The following ST6GALNAC5 variants were observed in gnomAD, a reference collection of about 807,000 sequenced individuals.
ST6GALNAC5 encodes the protein alpha-N-acetylgalactosaminide alpha-2,6-sialyltransferase 5.
Under a neutral mutation model 33.6 loss-of-function variants are expected in ST6GALNAC5, and 27 were observed. The observed-to-expected ratio is 0.80, with a 90% CI of 0.59 to 1.11. The LOEUF is 1.11. Ranked by LOEUF, ST6GALNAC5 falls within the 50% of genes least tolerant of loss-of-function variation. The probability of loss-of-function intolerance (pLI) is 0.00; values close to 1 mark genes in which losing one functional copy is unlikely to be tolerated. For missense variants in ST6GALNAC5, 428 were observed against 454.0 expected (o/e 0.94, Z 0.52); for synonymous variants, 194 against 171.2 (o/e 1.13, Z -1.04).
At chr1:76,975,992 G>A (rs1648994562) in intron 2 of ST6GALNAC5, among the ~76,000 whole-genome samples, 1 of 152,164 alleles carries the variant, frequency 6.6e-6, no homozygotes, top group South Asian at 2.1e-4. Flanking sequence ...CTACTTGGGA[G>A]GCTGAGGCAC....
At chr1:77,005,306 C>T (rs1300390618) in intron 2 of ST6GALNAC5, among the ~76,000 whole-genome samples, 1 of 152,244 alleles carries the variant, frequency 6.6e-6, no homozygotes, top group East Asian at 1.9e-4. Flanking sequence ...CTCCCTGACC[C>T]TTGCGCTTCC....
chr1:76,983,913 T>C (rs1649367910), intron 2 of ST6GALNAC5, among the ~76,000 whole-genome samples: 1 of 152,206 alleles, frequency 6.6e-6, no homozygotes, highest in Non-Finnish European at 1.5e-5. Flanking sequence ...GAATGACTAC[T>C]GGGTAAATAA....
At chr1:76,947,905 T>A (rs1442642748) in intron 2 of ST6GALNAC5, among the ~76,000 whole-genome samples, 3 of 152,204 alleles carry the variant, frequency 2.0e-5, no homozygotes, top group Middle Eastern at 3.4e-3. Context: ...AATGCAAACT[T>A]TTTTTATCCT....
rs1210328325 is a variant in ST6GALNAC5, at chr1:77,063,480, A to G, written c.*274A>G. On this transcript the variant is annotated 3_prime_UTR_variant, in exon 5 of 5. Transcript: ENST00000477717. ...TTCAGTTACACCACTATGACTAAAA[A>G]CAGTTTGGATCTCTTAGTATTGCCT... The G allele has an allele frequency of 6.9e-6, 3 of 433,840 alleles. No homozygotes were observed. The highest frequency in any genetic ancestry group is 1.3e-5 in the Non-Finnish European group (3 of 237,676). 26.9% of individuals were successfully genotyped at this position (433,840 alleles called of 1,614,324 possible). A position where few individuals can be genotyped will look rare whatever the true frequency, so the allele number is the denominator to read the frequency against.
At chr1:76,871,784 A>G (rs573962954) in intron 2 of ST6GALNAC5, among the ~76,000 whole-genome samples, 85 of 152,274 alleles carry the variant, frequency 5.6e-4, no homozygotes, top group Non-Finnish European at 9.4e-4. Flanking sequence ...TGAAGGCTAC[A>G]TGGAGTTTCT....
At chr1:76,890,147 C>T (rs1653982786) in intron 2 of ST6GALNAC5, among the ~76,000 whole-genome samples, 1 of 152,140 alleles carries the variant, frequency 6.6e-6, no homozygotes, top group African/African-American at 2.4e-5. Context: ...CCCCTAGAAG[C>T]CCTACAAACT....
intron 2 of ST6GALNAC5, among the ~76,000 whole-genome samples, chr1:76,890,819 A>T (rs190177225): frequency 2.8e-4 from 43 of 152,268 alleles, no homozygotes; most frequent in Non-Finnish European, 5.0e-4. Context: ...TTAGAATTTA[A>T]GATTTTTTTC....
intron 2 of ST6GALNAC5, among the ~76,000 whole-genome samples, chr1:76,877,035 C>T (rs1447482123): frequency 6.6e-6 from 1 of 152,196 alleles, no homozygotes; most frequent in Admixed American, 6.5e-5. Flanking sequence ...TGTTGCTGTG[C>T]AAAACCCGCT....
At chr1:76,912,230 T>C (rs1363827365) in intron 2 of ST6GALNAC5, among the ~76,000 whole-genome samples, 1 of 152,040 alleles carries the variant, frequency 6.6e-6, no homozygotes. Context: ...TGTACTTGAG[T>C]GGTTTTGAGT....
chr1:76,970,434 T>C (rs551728495), intron 2 of ST6GALNAC5, among the ~76,000 whole-genome samples: 1 of 151,578 alleles, frequency 6.6e-6, no homozygotes, highest in Admixed American at 6.6e-5. Flanking sequence ...GCCGATCCAA[T>C]CAAGCAGAAG....
At chr1:76,903,953 G>T (rs1646841145) in intron 2 of ST6GALNAC5, among the ~76,000 whole-genome samples, 1 of 152,250 alleles carries the variant, frequency 6.6e-6, no homozygotes, top group African/African-American at 2.4e-5. Context: ...GGGCAGAAAT[G>T]TTCTGAAATT....
At chr1:76,966,281 G>A (rs930739988) in intron 2 of ST6GALNAC5, among the ~76,000 whole-genome samples, 6 of 152,134 alleles carry the variant, frequency 3.9e-5, no homozygotes, top group African/African-American at 7.2e-5. Context: ...ATTTCGTTGG[G>A]AAGTGGTTTG....
At chr1:76,931,011 A>C (rs2100309770) in intron 2 of ST6GALNAC5, among the ~76,000 whole-genome samples, 1 of 152,228 alleles carries the variant, frequency 6.6e-6, no homozygotes, top group Middle Eastern at 3.4e-3. Flanking sequence ...AGGGGATGGA[A>C]TATTCATGAT....
Position 76,882,243 on chromosome 1 carries a change from G to A in ST6GALNAC5, c.261+13501G>A, listed in dbSNP as rs377501686. Among the ~76,000 whole-genome samples, 13 of 152,230 alleles carry A rather than the reference G, an allele frequency of 8.5e-5. No individual in the cohort carries two copies. In the East Asian group the frequency reaches 2.3e-3, roughly 27 times the overall value. ...TAATTGAAACAATTTTCAAACCAGA[G>A]TAGATTTTTGCCTTTAAAACATAAA... On this transcript the variant is annotated intron_variant, in intron 2 of 4. Transcript: ENST00000477717.
In ST6GALNAC5 at chr1:77,050,638, G is replaced by A. The variant is rs1250026954; in HGVS notation, c.779+273G>A. On this transcript the variant is annotated intron_variant, in intron 4 of 4. Coordinates refer to ENST00000477717, the MANE Select transcript of ST6GALNAC5 (RefSeq NM_030965.3). ...ATCAGCCAGAAGTAATGCAATAATT[G>A]GCATAATATTAACGATGAACAAGCA... Among the ~76,000 whole-genome samples, 3 of 152,222 alleles carry A rather than the reference G, an allele frequency of 2.0e-5. 1 individual carries two copies. The highest frequency in any genetic ancestry group is 2.0e-4 in the Admixed American group (3 of 15,292).
intron 2 of ST6GALNAC5, among the ~76,000 whole-genome samples, chr1:76,979,146 C>A (rs753442524): frequency 1.3e-5 from 2 of 151,886 alleles, no homozygotes; most frequent in African/African-American, 4.8e-5. Context: ...GGAAAGGTAA[C>A]ATGTGATTAT....
chr1:77,047,154 A>C (rs1382840170), intron 3 of ST6GALNAC5, among the ~76,000 whole-genome samples: 1 of 152,148 alleles, frequency 6.6e-6, no homozygotes, highest in East Asian at 1.9e-4. Context: ...AATCACACTT[A>C]TGAATGTGGA....
Position 76,867,508 on chromosome 1 carries a change from A to G in ST6GALNAC5, c.-168A>G. The G allele has an allele frequency of 3.0e-6, 3 of 984,976 alleles. No homozygotes were observed. The highest frequency in any genetic ancestry group is 6.1e-4 in the Middle Eastern group (2 of 3,274). 61.0% of individuals were successfully genotyped at this position (984,976 alleles called of 1,614,324 possible). On this transcript the variant is annotated 5_prime_UTR_variant, in exon 1 of 5. Transcript: ENST00000477717. ...TTTAATTCTGTCTCTAATCTCTGCAACAGCCGCGCTTCCCGGGTCCCGCGG... is the reference window on the plus strand; with the variant it reads ...TTTAATTCTGTCTCTAATCTCTGCAGCAGCCGCGCTTCCCGGGTCCCGCGG...
chr1:77,052,330 A>C (rs1652249421), intron 4 of ST6GALNAC5, among the ~76,000 whole-genome samples: 1 of 152,236 alleles, frequency 6.6e-6, no homozygotes, highest in Non-Finnish European at 1.5e-5. Context: ...TGGATTCTAC[A>C]GTTCTATTCA....
Sources: allele counts gnomAD v4.1 joint callset (sites outside exome capture counted in the v4.1 genomes callset), GRCh38; gene constraint gnomAD v4.1.1; transcripts MANE v1.5; gene names NCBI Gene and HGNC (gene_info 2026-07-23, HGNC 2026-07-21).